CAB39: variants seen among roughly 807,000 people sequenced by gnomAD.
CAB39 encodes calcium binding protein 39.
In CAB39, 8 loss-of-function variants were observed where a neutral mutation model predicts 40.0. The observed-to-expected ratio is 0.20, with a 90% CI of 0.12 to 0.36. The LOEUF (loss-of-function observed/expected upper bound fraction) is 0.36, where lower values mean the gene tolerates loss of function less well. Ranked by LOEUF, CAB39 falls within the 10% of genes least tolerant of loss-of-function variation. The pLI is 1.00. For missense variants in CAB39, 270 were observed against 401.1 expected, an observed-to-expected ratio of 0.67 and a Z score of 2.79; for synonymous variants, 156 against 141.6, an observed-to-expected ratio of 1.10 and a Z score of -0.72.
chr2:230,792,148 G>T (rs1393793724), intron 3 of CAB39, among the ~76,000 whole-genome samples: 1 of 152,190 alleles, frequency 6.6e-6, no homozygotes, highest in Non-Finnish European at 1.5e-5. Flanking sequence ...AGATAGAACT[G>T]CAATGTTTTC....
At chr2:230,722,380 C>T (rs1294679033) in intron 1 of CAB39, among the ~76,000 whole-genome samples, 1 of 152,128 alleles carries the variant, frequency 6.6e-6, no homozygotes, top group Non-Finnish European at 1.5e-5. Flanking sequence ...TGGCCTCAAA[C>T]TCCTGGGCTC....
At chr2:230,732,026 C>T (rs958890518) in intron 1 of CAB39, among the ~76,000 whole-genome samples, 2 of 151,342 alleles carry the variant, frequency 1.3e-5, no homozygotes, top group Non-Finnish European at 2.9e-5. Context: ...CTAAGACTGT[C>T]TTAGTGAGTG....
chr2:230,805,662 A>G (rs1234488646), intron 5 of CAB39, among the ~76,000 whole-genome samples: 1 of 152,246 alleles, frequency 6.6e-6, no homozygotes, highest in Non-Finnish European at 1.5e-5. Context: ...AGTAAACATT[A>G]GCTGTTAGAA....
chr2:230,771,615 A>G (rs1428332533), intron 2 of CAB39, among the ~76,000 whole-genome samples: 1 of 152,240 alleles, frequency 6.6e-6, no homozygotes, highest in African/African-American at 2.4e-5. Context: ...AGTTTGTTCT[A>G]AAATTTGAAT....
intron 1 of CAB39, among the ~76,000 whole-genome samples, chr2:230,729,262 G>C (rs1694643129): frequency 6.6e-6 from 1 of 152,142 alleles, no homozygotes; most frequent in African/African-American, 2.4e-5. Flanking sequence ...AGTTCTTCTT[G>C]TTTTATGAAC....
chr2:230,713,098 G>A lies in CAB39; in HGVS notation c.-176G>A, dbSNP rs963968757. 41 of 151,808 alleles carry A rather than the reference G, an allele frequency of 2.7e-4. No homozygotes were observed. The highest frequency in any genetic ancestry group is 9.6e-4 in the African/African-American group (40 of 41,492). The allele number at this position is 151,808 out of a possible 1,614,324, so 9.4% of individuals were successfully genotyped here. On this transcript the variant is annotated 5_prime_UTR_variant, in exon 1 of 9. Transcript: ENST00000258418. ...GAGCCCGTCGCCGGGAGCAGGAGCG[G>A]GCGGAAGACAACGGAGGGGCCGAGC... is the stretch of plus-strand genomic sequence containing the variant.
At chr2:230,791,684 G>C (rs768477808) in intron 3 of CAB39, among the ~76,000 whole-genome samples, 25 of 152,322 alleles carry the variant, frequency 1.6e-4, no homozygotes, top group Non-Finnish European at 2.5e-4. Context: ...TGGGTTTGCT[G>C]TAGGTGGCAC....
At chr2:230,796,966 C>T (rs775174886) in intron 4 of CAB39, among the ~76,000 whole-genome samples, 10 of 152,130 alleles carry the variant, frequency 6.6e-5, no homozygotes, top group Non-Finnish European at 1.0e-4. Flanking sequence ...AACAGGAGAT[C>T]TAATAAGAGG....
At chr2:230,769,025 C>T (rs1271273611) in intron 2 of CAB39, among the ~76,000 whole-genome samples, 1 of 152,114 alleles carries the variant, frequency 6.6e-6, no homozygotes, top group East Asian at 1.9e-4. Context: ...TTACAGTTAG[C>T]AACTTAAAAT....
At chr2:230,758,255 A>T (rs1015984561) in intron 1 of CAB39, among the ~76,000 whole-genome samples, 1 of 146,358 alleles carries the variant, frequency 6.8e-6, no homozygotes, top group East Asian at 2.0e-4. Context: ...GTGAGCCAAG[A>T]TTGCGCTGCT....
intron 2 of CAB39, among the ~76,000 whole-genome samples, chr2:230,763,727 T>C (rs1054616067): frequency 1.3e-5 from 2 of 152,238 alleles, no homozygotes; most frequent in Admixed American, 6.5e-5. Flanking sequence ...CTTGATTGCA[T>C]TACAGAACAT....
At chr2:230,818,414 C>CCCTGACTTCAGCCTGACTTCAACG in intron 8 of CAB39, 102 bp from the exon 9 acceptor site, 1 of 906,516 alleles carries the variant, frequency 1.1e-6, no homozygotes, top group Non-Finnish European at 1.7e-6. Context: ...TCAGCGCCAT[C>CCCTGACTTCAGCCTGACTTCAACG]CCAGGAGAGC....
At chr2:230,793,648 A>G (rs907285478) in intron 4 of CAB39, among the ~76,000 whole-genome samples, 4 of 152,246 alleles carry the variant, frequency 2.6e-5, no homozygotes, top group East Asian at 1.9e-4. Flanking sequence ...GTTGAATTTC[A>G]TTGAAGTATC....
intron 2 of CAB39, among the ~76,000 whole-genome samples, chr2:230,768,280 G>A (rs1268495463): frequency 2.0e-5 from 3 of 152,126 alleles, no homozygotes; most frequent in Admixed American, 2.0e-4. Context: ...CTGTGATGGT[G>A]GCCAACTACT....
intron 1 of CAB39, among the ~76,000 whole-genome samples, chr2:230,749,010 T>TTG (rs1042225120): frequency 8.0e-6 from 1 of 125,482 alleles, no homozygotes; most frequent in African/African-American, 4.0e-5. Flanking sequence ...CGCCCCCGTG[T>TTG]TTTTTTTTTA....
chr2:230,796,427 T>C (rs951096874), intron 4 of CAB39, among the ~76,000 whole-genome samples: 2 of 152,196 alleles, frequency 1.3e-5, no homozygotes, highest in African/African-American at 4.8e-5. Context: ...ACTGTTTGCC[T>C]TGTATTTACT....
intron 2 of CAB39, among the ~76,000 whole-genome samples, chr2:230,772,585 C>T (rs1695501774): frequency 6.6e-6 from 1 of 151,684 alleles, no homozygotes; most frequent in African/African-American, 2.4e-5. Flanking sequence ...CCCTGGTTCA[C>T]ACCATTCTCC....
chr2:230,769,349 G>C (rs1436964278), intron 2 of CAB39, among the ~76,000 whole-genome samples: 1 of 152,120 alleles, frequency 6.6e-6, no homozygotes, highest in Non-Finnish European at 1.5e-5. Context: ...GATAGAACAA[G>C]CAAGCAGAAA....
At chr2:230,748,498 A>G (rs993875483) in intron 1 of CAB39, among the ~76,000 whole-genome samples, 3 of 152,090 alleles carry the variant, frequency 2.0e-5, no homozygotes, top group Admixed American at 2.0e-4. Flanking sequence ...GCCTAGTTCC[A>G]TTATTTCATT....
Sources: allele counts gnomAD v4.1 joint callset (sites outside exome capture counted in the v4.1 genomes callset), GRCh38; gene constraint gnomAD v4.1.1; transcripts MANE v1.5; gene names NCBI Gene and HGNC (gene_info 2026-07-23, HGNC 2026-07-21).